The following PPP4R4 variants were observed in gnomAD, a reference collection of about 807,000 sequenced individuals.
PPP4R4 encodes protein phosphatase 4 regulatory subunit 4.
In PPP4R4, 70 loss-of-function variants were observed where a neutral mutation model predicts 121.8. The ratio of observed to expected loss-of-function variants is 0.57; its 90% CI spans 0.47 to 0.70. The LOEUF (loss-of-function observed/expected upper bound fraction) is 0.70. Among genes scored for constraint, PPP4R4 ranks in the 30% least tolerant of loss-of-function variants. The probability of loss-of-function intolerance (pLI) is 0.00; values close to 1 mark genes in which losing one functional copy is unlikely to be tolerated. For synonymous variants in PPP4R4, 348 were observed against 355.7 expected, an observed-to-expected ratio of 0.98 and a Z score of 0.24; for missense variants, 875 against 1,033.6, an observed-to-expected ratio of 0.85 and a Z score of 2.10.
At chr14:94,180,520 A>G (rs2139376179) in intron 2 of PPP4R4, among the ~76,000 whole-genome samples, 1 of 142,768 alleles carries the variant, frequency 7.0e-6, no homozygotes, top group East Asian at 2.0e-4. Context: ...CTTTAAAAAT[A>G]TTTTTCACTT....
chr14:94,182,639 T>G (rs557037670), intron 2 of PPP4R4, among the ~76,000 whole-genome samples: 1 of 152,328 alleles, frequency 6.6e-6, no homozygotes, highest in East Asian at 1.9e-4. Flanking sequence ...TATTCCATTA[T>G]GTGAATATAC....
chr14:94,260,374 C>T (rs547074054), intron 19 of PPP4R4, among the ~76,000 whole-genome samples: 15 of 151,998 alleles, frequency 9.9e-5, no homozygotes, highest in East Asian at 7.7e-4. Context: ...TGCAGTGAAC[C>T]GTGGTTGTGC....
At chr14:94,273,203 A>G (rs966651152) in intron 23 of PPP4R4, among the ~76,000 whole-genome samples, 2 of 152,208 alleles carry the variant, frequency 1.3e-5, no homozygotes, top group Non-Finnish European at 2.9e-5. Context: ...TTTATTCATA[A>G]TTGCCAAAAT....
chr14:94,256,556 A>G lies in PPP4R4; in HGVS notation c.1962A>G (p.Lys654=), dbSNP rs751158531. Residue 654 remains lysine, a synonymous_variant, in exon 17 of 25, where the codon AAA becomes AAG. Transcript: ENST00000304338. ...AGCAGTTAGAAATGTGTGTGAGGAA[A>G]CTCCTGTGTCAAGAAAAAGATAAAG... ...LLQQLEMCVR[K]LLCQEKDKDV... 1.2e-6 allele frequency: 2 copies of G among 1,605,232 alleles called. No individual in the cohort carries two copies. Among genetic ancestry groups the G allele is most frequent in the Non-Finnish European group, 1.7e-6 (2 of 1,172,630 alleles).
intron 11 of PPP4R4, among the ~76,000 whole-genome samples, chr14:94,243,220 C>T (rs538979372): frequency 7.9e-5 from 12 of 151,978 alleles, no homozygotes; most frequent in Non-Finnish European, 1.0e-4. Context: ...TTTAAAAGAA[C>T]GCTTTTTCTG....
intron 2 of PPP4R4, among the ~76,000 whole-genome samples, chr14:94,193,545 G>A (rs965574172): frequency 1.3e-5 from 2 of 152,068 alleles, no homozygotes; most frequent in African/African-American, 4.8e-5. Flanking sequence ...TTATTTTGTT[G>A]TGATTAGAAG....
In PPP4R4 at chr14:94,196,174, T is replaced by TC. The variant is rs1261257401; in HGVS notation, c.192-12290_192-12289insC. Among the ~76,000 whole-genome samples, 4 of 151,292 alleles carry TC rather than the reference T, an allele frequency of 2.6e-5. No individual in the cohort carries two copies. In the East Asian group the frequency reaches 5.8e-4, roughly 22 times the overall value. ...TGCTTTTGAATCTTTTTTTTTTTTT[T>TC]TGACTTAAAAAAAATTCCTTCCCTT... On this transcript the variant is annotated intron_variant, in intron 2 of 24. Transcript: ENST00000304338.
chr14:94,217,225 G>A (rs1446308785), intron 3 of PPP4R4, among the ~76,000 whole-genome samples: 2 of 152,100 alleles, frequency 1.3e-5, no homozygotes, highest in South Asian at 2.1e-4. Context: ...ACTGAGGGTG[G>A]AGCAGGAACA....
intron 3 of PPP4R4, among the ~76,000 whole-genome samples, chr14:94,221,118 G>A (rs181922798): frequency 2.6e-5 from 4 of 152,148 alleles, no homozygotes; most frequent in African/African-American, 9.6e-5. Context: ...TTTTTGACAC[G>A]GGGCAAAGGC....
At chr14:94,233,012 C>T (rs1336321993) in intron 5 of PPP4R4, among the ~76,000 whole-genome samples, 3 of 151,334 alleles carry the variant, frequency 2.0e-5, no homozygotes, top group African/African-American at 4.9e-5. Context: ...GAGCCGAGAT[C>T]GCGCCACTGC....
chr14:94,208,639 T>C (rs920843484), intron 3 of PPP4R4, 73 bp downstream of exon 3: 3 of 1,190,856 alleles, frequency 2.5e-6, no homozygotes, highest in Non-Finnish European at 3.6e-6. Flanking sequence ...TGAAAGGATT[T>C]TGGAGCTTTG....
At chr14:94,276,128 A>T (rs145421790) in intron 24 of PPP4R4, among the ~76,000 whole-genome samples, 1,641 of 152,278 alleles carry the variant, frequency 0.011, 36 homozygotes, top group African/African-American at 0.037. Context: ...ATGATAAGAG[A>T]CTATATCAGG....
intron 3 of PPP4R4, among the ~76,000 whole-genome samples, chr14:94,210,459 T>A (rs67436890): frequency 0.16 from 24,009 of 151,890 alleles, 2,015 homozygotes; most frequent in Middle Eastern, 0.24. Flanking sequence ...TAATCCATAA[T>A]ACAGAGTATA....
chr14:94,211,833 G>C (rs186929310), intron 3 of PPP4R4, among the ~76,000 whole-genome samples: 5 of 152,122 alleles, frequency 3.3e-5, no homozygotes, highest in Non-Finnish European at 7.4e-5. Context: ...GCAGAATTTC[G>C]TAACAGATTG....
In PPP4R4 at chr14:94,254,806, ATGCC is replaced by A. The variant is rs1173678565; in HGVS notation, c.1866-1652_1866-1649del. Among the ~76,000 whole-genome samples, 35 of 152,332 alleles carry A rather than the reference ATGCC, an allele frequency of 2.3e-4. 1 individual carries two copies. Among genetic ancestry groups the A allele is most frequent in the African/African-American group, 6.7e-4 (28 of 41,570 alleles). On this transcript the variant is annotated intron_variant, in intron 16 of 24. Coordinates refer to ENST00000304338, the MANE Select transcript of PPP4R4 (RefSeq NM_058237.2). ...AGCAAAGGAGAGTATTTCCTCTGAA[ATGCC>A]TCCTCCTGGAAAGGCTTTTTTTTAG...
At chr14:94,189,574 C>T (rs1889482898) in intron 2 of PPP4R4, among the ~76,000 whole-genome samples, 1 of 152,164 alleles carries the variant, frequency 6.6e-6, no homozygotes, top group Admixed American at 6.5e-5. Context: ...TCATCATTTC[C>T]ATGGCATGAT....
At chr14:94,199,292 G>A (rs1890042074) in intron 2 of PPP4R4, among the ~76,000 whole-genome samples, 1 of 152,368 alleles carries the variant, frequency 6.6e-6, no homozygotes, top group African/African-American at 2.4e-5. Context: ...AGGGCGTGCA[G>A]TGGGGGAGTG....
chr14:94,243,175 A>AT (rs955686187), intron 11 of PPP4R4, among the ~76,000 whole-genome samples: 25 of 151,400 alleles, frequency 1.7e-4, no homozygotes, highest in African/African-American at 5.3e-4. Context: ...TGTTGCTTAG[A>AT]TTTTTTTTTG....
intron 1 of PPP4R4, chr14:94,175,820 G>C (rs968706827): frequency 1.8e-6 from 1 of 543,236 alleles, no homozygotes; most frequent in African/African-American, 1.9e-5. Context: ...CCAGGAGCTA[G>C]AAGGATAAAA....
Sources: allele counts gnomAD v4.1 joint callset (sites outside exome capture counted in the v4.1 genomes callset), GRCh38; gene constraint gnomAD v4.1.1; transcripts MANE v1.5; gene names NCBI Gene and HGNC (gene_info 2026-07-23, HGNC 2026-07-21).